PTPRD: variants seen among roughly 807,000 people sequenced by gnomAD.
The protein encoded by PTPRD is protein tyrosine phosphatase receptor type D.
PTPRD carries 34 observed loss-of-function variants against 214.5 expected under a neutral mutation model. The observed-to-expected ratio is 0.16, with a 90% confidence interval of 0.12 to 0.21. PTPRD has a LOEUF of 0.21. Among genes scored for constraint, PTPRD ranks in the 10% least tolerant of loss-of-function variants. PTPRD has a pLI of 1.00. For missense variants in PTPRD, 2,545 were observed against 2,398.7 expected (o/e 1.06, Z -1.27); for synonymous variants, 1,128 against 845.7 (o/e 1.33, Z -5.79).
chr9:8,989,686 G>C (rs10977426), intron 11 of PTPRD, among the ~76,000 whole-genome samples: 16,059 of 151,948 alleles, frequency 0.11, 1,144 homozygotes, highest in South Asian at 0.2. Context: ...GGTTTGGAAA[G>C]GCATGACCAA....
chr9:8,886,745 ACT>A (rs755391489), intron 11 of PTPRD, among the ~76,000 whole-genome samples: 6 of 152,142 alleles, frequency 3.9e-5, no homozygotes, highest in Non-Finnish European at 8.8e-5. Context: ...AAGTAAACAA[ACT>A]CTGCACCGTG....
At chr9:10,599,604 G>T (rs1352077339) in intron 2 of PTPRD, among the ~76,000 whole-genome samples, 1 of 151,684 alleles carries the variant, frequency 6.6e-6, no homozygotes, top group Non-Finnish European at 1.5e-5. Context: ...ACCACTGTTT[G>T]CCAGGACAAA....
intron 5 of PTPRD, among the ~76,000 whole-genome samples, chr9:9,790,981 A>G (rs2098963085): frequency 6.6e-6 from 1 of 152,208 alleles, no homozygotes; most frequent in South Asian, 2.1e-4. Flanking sequence ...AGTACATATC[A>G]TAAATATATA....
intron 11 of PTPRD, among the ~76,000 whole-genome samples, chr9:8,934,404 TGTG>T (rs1462248539): frequency 0.015 from 949 of 64,392 alleles, 33 homozygotes; most frequent in African/African-American, 0.058. Context: ...TGTGTGTGTG[TGTG>T]TGTGTGTGTG....
At chr9:9,828,374 A>AATC (rs1456269956) in intron 5 of PTPRD, among the ~76,000 whole-genome samples, 19 of 150,630 alleles carry the variant, frequency 1.3e-4, no homozygotes, top group East Asian at 5.8e-4. Flanking sequence ...TGAAACTGGA[A>AATC]ATCATTCTCA....
chr9:9,116,515 G>A (rs2099812484), intron 10 of PTPRD, among the ~76,000 whole-genome samples: 1 of 152,056 alleles, frequency 6.6e-6, no homozygotes, highest in South Asian at 2.1e-4. Flanking sequence ...TACTGATTAT[G>A]ATGTACACTA....
chr9:8,865,015 T>G (rs1245262342), intron 11 of PTPRD, among the ~76,000 whole-genome samples: 3 of 152,226 alleles, frequency 2.0e-5, no homozygotes, highest in Admixed American at 6.5e-5. Context: ...AAGAAAATTT[T>G]GGGCCAGGTA....
chr9:9,937,078 G>T (rs189120941), intron 5 of PTPRD, among the ~76,000 whole-genome samples: 1 of 152,132 alleles, frequency 6.6e-6, no homozygotes, highest in Non-Finnish European at 1.5e-5. Flanking sequence ...ACTGTTGTTG[G>T]GTTGGGGGAA....
At chr9:10,167,741 A>G (rs1592973255) in intron 3 of PTPRD, among the ~76,000 whole-genome samples, 2 of 152,214 alleles carry the variant, frequency 1.3e-5, no homozygotes, top group South Asian at 4.1e-4. Flanking sequence ...CCTTCTCCCA[A>G]TATAGCTGTA....
intron 3 of PTPRD, among the ~76,000 whole-genome samples, chr9:10,191,261 T>A (rs1369777472): frequency 6.6e-6 from 1 of 152,028 alleles, no homozygotes; most frequent in Non-Finnish European, 1.5e-5. Context: ...TATATTAATA[T>A]CAGTGAATCA....
At chr9:10,105,942 T>C (rs990603436) in intron 3 of PTPRD, among the ~76,000 whole-genome samples, 6 of 135,812 alleles carry the variant, frequency 4.4e-5, no homozygotes, top group African/African-American at 1.7e-4. Flanking sequence ...AAGCAAGTCA[T>C]ATGATCACCA....
chr9:10,246,358 C>G (rs906839659), intron 3 of PTPRD, among the ~76,000 whole-genome samples: 1 of 152,118 alleles, frequency 6.6e-6, no homozygotes, highest in Non-Finnish European at 1.5e-5. Flanking sequence ...ATTCTCCTGC[C>G]TCAGCCTCCC....
intron 39 of PTPRD, among the ~76,000 whole-genome samples, chr9:8,356,424 T>C (rs1195391080): frequency 6.6e-6 from 1 of 152,204 alleles, no homozygotes; most frequent in African/African-American, 2.4e-5. Context: ...TCATGCTGAT[T>C]ACATGAAATC....
At chr9:9,901,923 A>G (rs1419669181) in intron 5 of PTPRD, among the ~76,000 whole-genome samples, 4 of 152,306 alleles carry the variant, frequency 2.6e-5, no homozygotes, top group East Asian at 1.9e-4. Context: ...CATCATGAAA[A>G]CAGCAAATAT....
At chr9:8,730,770 G>A (rs943483059) in intron 12 of PTPRD, among the ~76,000 whole-genome samples, 2 of 152,182 alleles carry the variant, frequency 1.3e-5, no homozygotes, top group South Asian at 4.2e-4. Context: ...TCTTACAGCC[G>A]AATGGTTCTC....
At chr9:9,755,309 G>A (rs1041524870) in intron 6 of PTPRD, among the ~76,000 whole-genome samples, 2 of 152,042 alleles carry the variant, frequency 1.3e-5, no homozygotes, top group Non-Finnish European at 2.9e-5. Flanking sequence ...TAGAATTTGA[G>A]AAGGAATTAG....
intron 11 of PTPRD, among the ~76,000 whole-genome samples, chr9:8,842,756 G>A (rs765167515): frequency 1.3e-5 from 2 of 152,120 alleles, no homozygotes; most frequent in African/African-American, 4.8e-5. Context: ...ACATTGGATT[G>A]GCCTGATCTG....
At chr9:9,965,848 T>A (rs2094653642) in intron 4 of PTPRD, among the ~76,000 whole-genome samples, 2 of 152,194 alleles carry the variant, frequency 1.3e-5, no homozygotes, top group African/African-American at 4.8e-5. Flanking sequence ...TGACATACAG[T>A]AGGTGTACAA....
At chr9:9,708,568 T>A (rs1279622809) in intron 7 of PTPRD, among the ~76,000 whole-genome samples, 1 of 152,060 alleles carries the variant, frequency 6.6e-6, no homozygotes, top group Non-Finnish European at 1.5e-5. Flanking sequence ...TTTACTAACA[T>A]AACTCTCAGA....
Sources: gnomAD v4.1 joint callset for allele counts (sites outside exome capture counted in the v4.1 genomes callset) on GRCh38, gnomAD v4.1.1 for gene constraint, MANE v1.5 for transcripts, NCBI Gene and HGNC (gene_info 2026-07-23, HGNC 2026-07-21) for gene names.